DPP10: variants seen among roughly 807,000 people sequenced by gnomAD.
DPP10 encodes inactive dipeptidyl peptidase 10.
A neutral mutation model predicts 120.9 loss-of-function variants in DPP10; 33 were observed. That is an observed-to-expected ratio of 0.27 (90% CI 0.21 to 0.37). DPP10 has a LOEUF of 0.37. Ranked by LOEUF, DPP10 falls within the 10% of genes least tolerant of loss-of-function variation. The pLI is 1.00. For synonymous variants in DPP10, 337 were observed against 326.1 expected (o/e 1.03, Z -0.36); for missense variants, 816 against 942.8 (o/e 0.87, Z 1.76).
chr2:115,810,172 A>T (rs1216495798), intron 19 of DPP10, among the ~76,000 whole-genome samples: 1 of 152,114 alleles, frequency 6.6e-6, no homozygotes, highest in East Asian at 1.9e-4. Context: ...GAAAAAAAAA[A>T]AAAAGTACTG....
intron 1 of DPP10, among the ~76,000 whole-genome samples, chr2:115,194,556 C>CG (rs1559219516): frequency 6.6e-6 from 1 of 152,108 alleles, no homozygotes; most frequent in African/African-American, 2.4e-5. Flanking sequence ...AAAGCTAGGA[C>CG]AGGGGCAGTT....
chr2:114,683,785 T>TA (rs943044217), intron 1 of DPP10, among the ~76,000 whole-genome samples: 2 of 151,864 alleles, frequency 1.3e-5, no homozygotes, highest in African/African-American at 4.8e-5. Flanking sequence ...CCTGCCATCC[T>TA]AGCTGCAGAA....
At chr2:115,242,683 T>C (rs1217901719) in intron 1 of DPP10, among the ~76,000 whole-genome samples, 1 of 151,810 alleles carries the variant, frequency 6.6e-6, no homozygotes, top group African/African-American at 2.4e-5. Flanking sequence ...TTTTTTTTTT[T>C]TTTTTTGGTT....
chr2:114,594,586 A>C (rs1691750809), intron 1 of DPP10, among the ~76,000 whole-genome samples: 1 of 148,264 alleles, frequency 6.7e-6, no homozygotes, highest in South Asian at 2.1e-4. Context: ...TATATATCTC[A>C]TATATATACA....
At chr2:114,767,035 G>A (rs545208184) in intron 1 of DPP10, among the ~76,000 whole-genome samples, 19 of 142,608 alleles carry the variant, frequency 1.3e-4, no homozygotes, top group African/African-American at 4.1e-4. Context: ...CGAAACTAGT[G>A]AAAATTTCAT....
intron 3 of DPP10, among the ~76,000 whole-genome samples, chr2:115,383,070 C>G (rs758055192): frequency 6.6e-6 from 1 of 152,128 alleles, no homozygotes; most frequent in African/African-American, 2.4e-5. Flanking sequence ...GGAACACTAT[C>G]AAAGATAATG....
chr2:114,748,253 T>G lies in DPP10; in HGVS notation c.60+305415T>G, dbSNP rs2106021122. Among the ~76,000 whole-genome samples, 2 of 151,558 alleles carry G rather than the reference T, an allele frequency of 1.3e-5. 1 individual carries two copies. ...GCTAGTGTAGGGAGCAGAAACTGCT[T>G]GCAGGCTGCATTTCCCTTTATGGAC... On this transcript the variant is annotated intron_variant, in intron 1 of 25. Coordinates refer to ENST00000410059, the MANE Select transcript of DPP10 (RefSeq NM_020868.6).
intron 1 of DPP10, among the ~76,000 whole-genome samples, chr2:115,020,490 C>G (rs1454024099): frequency 6.6e-6 from 1 of 152,084 alleles, no homozygotes; most frequent in Non-Finnish European, 1.5e-5. Flanking sequence ...GCACCTAACA[C>G]TGGAGCTCCC....
At chr2:115,779,781 A>G (rs1164664757) in intron 15 of DPP10, among the ~76,000 whole-genome samples, 1 of 152,008 alleles carries the variant, frequency 6.6e-6, no homozygotes, top group African/African-American at 2.4e-5. Flanking sequence ...CCCAAATTTT[A>G]TAAAATGAAA....
chr2:114,647,213 C>A (rs1696207559), intron 1 of DPP10, among the ~76,000 whole-genome samples: 2 of 152,206 alleles, frequency 1.3e-5, no homozygotes, highest in Non-Finnish European at 2.9e-5. Context: ...AGGTGTCCAT[C>A]TTTCTATCTT....
At chr2:115,696,921 T>A (rs1391007776) in intron 7 of DPP10, among the ~76,000 whole-genome samples, 1 of 152,210 alleles carries the variant, frequency 6.6e-6, no homozygotes, top group Non-Finnish European at 1.5e-5. Flanking sequence ...AAATATGTAA[T>A]TTTGTGACTT....
intron 1 of DPP10, among the ~76,000 whole-genome samples, chr2:114,499,573 C>CTTTT (rs111641069): frequency 6.8e-6 from 1 of 146,026 alleles, no homozygotes. Context: ...TTTGCAAAGG[C>CTTTT]TTTTTTTTTT....
chr2:115,488,824 T>A (rs1325413785), intron 3 of DPP10, among the ~76,000 whole-genome samples: 8 of 130,316 alleles, frequency 6.1e-5, no homozygotes, highest in African/African-American at 2.1e-4. Context: ...GGCACATGTA[T>A]ACATATGTAA....
intron 1 of DPP10, among the ~76,000 whole-genome samples, chr2:114,654,178 G>A (rs1357041020): frequency 1.3e-5 from 2 of 152,134 alleles, no homozygotes; most frequent in Non-Finnish European, 2.9e-5. Context: ...GTACATACGA[G>A]TAAACTGCAC....
chr2:114,686,689 A>G (rs1443872752), intron 1 of DPP10, among the ~76,000 whole-genome samples: 1 of 151,954 alleles, frequency 6.6e-6, no homozygotes, highest in Non-Finnish European at 1.5e-5. Context: ...AGCATTAATT[A>G]TCTCATTTTG....
rs558260370 is a variant in DPP10 at position 114,510,932 on chromosome 2, T to A, written c.60+68094T>A. On this transcript the variant is annotated intron_variant, in intron 1 of 25. Transcript: ENST00000410059. ...TTAATTTAAATTGGTTAAAACACCTTCTTAGTTACAGATACCAAAGAGCTT... is the reference window on the plus strand; with the variant it reads ...TTAATTTAAATTGGTTAAAACACCTACTTAGTTACAGATACCAAAGAGCTT... 4.6e-5 allele frequency among the ~76,000 whole-genome samples: 7 copies of A among 152,346 alleles called. No individual in the cohort carries two copies. In the South Asian group the frequency reaches 1.5e-3, roughly 32 times the overall value.
At chr2:115,513,378 T>C (rs1399339669) in intron 4 of DPP10, among the ~76,000 whole-genome samples, 4 of 151,966 alleles carry the variant, frequency 2.6e-5, no homozygotes, top group Non-Finnish European at 5.9e-5. Context: ...AATGCAATTA[T>C]TAATAAGGTA....
At chr2:114,506,689 C>T (rs1380880833) in intron 1 of DPP10, among the ~76,000 whole-genome samples, 2 of 152,154 alleles carry the variant, frequency 1.3e-5, no homozygotes, top group African/African-American at 2.4e-5. Flanking sequence ...TGTCCACTCA[C>T]CTGCTCTCCC....
At chr2:114,561,442 C>T (rs955787047) in intron 1 of DPP10, among the ~76,000 whole-genome samples, 4 of 152,094 alleles carry the variant, frequency 2.6e-5, no homozygotes, top group African/African-American at 4.8e-5. Context: ...CACCCACACA[C>T]GTACACACCA....
Sources: gnomAD v4.1 joint callset for allele counts (sites outside exome capture counted in the v4.1 genomes callset) on GRCh38, gnomAD v4.1.1 for gene constraint, MANE v1.5 for transcripts, NCBI Gene and HGNC (gene_info 2026-07-23, HGNC 2026-07-21) for gene names.